Variants in FBLN1 observed in about 807,000 individuals in gnomAD.
FBLN1 encodes the protein fibulin-1.
In FBLN1, 34 loss-of-function variants were observed where a neutral mutation model predicts 89.7. The ratio of observed to expected loss-of-function variants is 0.38; its 90% confidence interval spans 0.29 to 0.50. The LOEUF (loss-of-function observed/expected upper bound fraction) is 0.50. Ranked by LOEUF, FBLN1 falls within the 20% of genes least tolerant of loss-of-function variation. The pLI is 0.92. For missense variants in FBLN1, 777 were observed against 988.1 expected (o/e 0.79, Z 2.86); for synonymous variants, 393 against 391.3 (o/e 1.00, Z -0.05).
chr22:45,533,824 T>C lies in FBLN1; in HGVS notation c.710T>C (p.Val237Ala). 1.9e-6 allele frequency: 3 copies of C among 1,613,972 alleles called. No homozygotes were observed. The highest frequency in any genetic ancestry group is 1.7e-6 in the Non-Finnish European group (2 of 1,180,008). The part of the protein sequence containing the change: ...CRLGESCINT[V>A]GSFRCQRDSS... ...CTTGGAGAATCCTGCATCAACACAG[T>C]GGGCTCTTTCCGCTGCCAGCGGGAC... Residue 237 changes from valine (V) to alanine (A), a missense_variant, in exon 7 of 17, where the codon GTG (valine) becomes GCG (alanine). By Grantham distance (64) the Val-to-Ala change is moderately conservative. Transcript: ENST00000327858.
In FBLN1 at chr22:45,574,532, C is replaced by G. The variant is rs764414836; in HGVS notation, c.1719C>G (p.Asp573Glu). Residue 573 changes from aspartate (D) to glutamate (E), a missense_variant, in exon 15 of 17, where the codon GAC becomes GAG. Physicochemically the swap from Asp to Glu is conservative, Grantham distance 45. Transcript: ENST00000327858. The surrounding 1 kb of genome is among the most constrained non-coding windows in gnomAD (Gnocchi z 4.1). ...TCAGGCTCCAGCAGGAGAAGACAGA[C>G]ACGGTCCGCTGCATCAAGTCCTGCC... ...SAATLQQEKT[D>E]TVRCIKSCRP... The G allele has an allele frequency of 1.9e-6, 3 of 1,614,172 alleles. No homozygotes were observed. The highest frequency in any genetic ancestry group is 4.5e-5 in the East Asian group (2 of 44,866).
intron 2 of FBLN1, among the ~76,000 whole-genome samples, chr22:45,522,264 G>A (rs902763878): frequency 1.3e-5 from 2 of 152,236 alleles, no homozygotes; most frequent in African/African-American, 4.8e-5. Flanking sequence ...GAGATTACAG[G>A]CATGAGCCAC....
At chr22:45,566,104 G>A (rs1349786710) in intron 14 of FBLN1, 2 of 152,512 alleles carry the variant, frequency 1.3e-5, no homozygotes, top group Non-Finnish European at 2.9e-5. Flanking sequence ...TAGCCAGCAA[G>A]CCACAGCAGG....
chr22:45,518,715 C>T lies in FBLN1; in HGVS notation c.113C>T (p.Ala38Val), dbSNP rs202203586. 112 of 1,611,166 alleles carry T rather than the reference C, an allele frequency of 7.0e-5. No homozygotes were observed. Among genetic ancestry groups the T allele is most frequent in the South Asian group, 3.5e-4 (32 of 90,186 alleles). ...DADVLLEACC[A>V]DGHRMATHQK... ...GATGTCCTCCTGGAGGCCTGCTGTG[C>T]GGACGGACACCGGATGGCCACTCAT... Residue 38 changes from alanine to valine, a missense_variant, in exon 2 of 17, where the codon GCG becomes GTG. Ala to Val is a moderately conservative substitution (Grantham distance 64, BLOSUM62 0). Transcript: ENST00000327858.
intron 14 of FBLN1, chr22:45,565,988 G>T (rs1484850617): frequency 1.9e-5 from 3 of 153,948 alleles, no homozygotes; most frequent in South Asian, 3.9e-4. Context: ...CTTGAGCCCA[G>T]GAGGCAGAGA....
Position 45,507,566 on chromosome 22 carries a change from C to A in FBLN1, c.79+4502C>A, listed in dbSNP as rs531424759. On this transcript the variant is annotated intron_variant, in intron 1 of 16. Transcript: ENST00000327858. Reference sequence around the variant, plus strand: ...TTTTTGAGACGGGGTCTCACTCTGCCGGCCAGGCTGGAGGGCAGTAGTGTG... The same window carrying A: ...TTTTTGAGACGGGGTCTCACTCTGCAGGCCAGGCTGGAGGGCAGTAGTGTG... Among the ~76,000 whole-genome samples, 218 of 152,250 alleles carry A rather than the reference C, an allele frequency of 1.4e-3. 1 individual carries two copies. Among genetic ancestry groups the A allele is most frequent in the South Asian group, 8.7e-3 (42 of 4,816 alleles).
intron 14 of FBLN1, among the ~76,000 whole-genome samples, chr22:45,570,154 T>C (rs563027238): frequency 6.6e-6 from 1 of 151,210 alleles, no homozygotes; most frequent in African/African-American, 2.4e-5. Context: ...ACCCCATCTC[T>C]ACTAAAAATA....
intron 14 of FBLN1, among the ~76,000 whole-genome samples, chr22:45,555,351 A>G (rs926736137): frequency 6.6e-6 from 1 of 151,058 alleles, no homozygotes; most frequent in African/African-American, 2.4e-5. Flanking sequence ...ATTAACTCAC[A>G]TGATCACAAG....
At position 45,537,779 on chromosome 22, in the gene FBLN1, C is replaced by G. The variant is rs954302799; in HGVS notation, c.922+2442C>G. On this transcript the variant is annotated intron_variant, in intron 8 of 16. Coordinates refer to ENST00000327858, the MANE Select transcript of FBLN1 (RefSeq NM_006486.3). This position sits in a 1 kb window ranked among gnomAD's most constrained non-coding sequence, Gnocchi z 5.7. The stretch of plus-strand genomic sequence containing the variant: ...GCTGTGGCTCAGCTGCCAGTTGGCC[C>G]CTCGCCAGTCCCTTGCCAGCAGGGA... 6.6e-6 allele frequency among the ~76,000 whole-genome samples: 1 copy of G among 152,204 alleles called. No homozygotes were observed. The highest frequency in any genetic ancestry group is 2.1e-4 in the South Asian group (1 of 4,830).
chr22:45,569,379 G>T (rs1372108552), intron 14 of FBLN1, among the ~76,000 whole-genome samples: 1 of 152,158 alleles, frequency 6.6e-6, no homozygotes, highest in Non-Finnish European at 1.5e-5. Flanking sequence ...GGTGGCTCAC[G>T]CCTGTAATCC....
Position 45,536,388 on chromosome 22 carries a change from T to A in FBLN1, c.922+1051T>A, listed in dbSNP as rs1327684102. Among the ~76,000 whole-genome samples, 1 of 152,154 alleles carries A rather than the reference T, an allele frequency of 6.6e-6. No homozygotes were observed. The highest frequency in any genetic ancestry group is 2.4e-5 in the African/African-American group (1 of 41,426). ...GACAGTGTGAATGCAGTAATGCCCCTGAACCGTCTACTTAAAATGGTTACG... is the reference window on the plus strand; with the variant it reads ...GACAGTGTGAATGCAGTAATGCCCCAGAACCGTCTACTTAAAATGGTTACG... On this transcript the variant is annotated intron_variant, in intron 8 of 16. Transcript: ENST00000327858. This position sits in a 1 kb window ranked among gnomAD's most constrained non-coding sequence, Gnocchi z 5.1.
At chr22:45,548,462 A>G in intron 12 of FBLN1, 151 bp from the exon 13 acceptor site, 1 of 1,009,410 alleles carries the variant, frequency 9.9e-7, no homozygotes, top group Non-Finnish European at 1.5e-6. Flanking sequence ...CGCCTCTCTG[A>G]GCACGATGGT....
Position 45,576,940 on chromosome 22 carries a change from G to T in FBLN1, c.1841-37G>T, listed in dbSNP as rs1386679178. 2.5e-6 allele frequency: 4 copies of T among 1,611,988 alleles called. No individual in the cohort carries two copies. In the South Asian group the frequency reaches 4.4e-5, roughly 18 times the overall value. ...AGGCTGGGACTGGGGCTGGGGCCAG[G>T]CTGTGCTGAGCCCTTCTCCATTCTG... On this transcript the variant is annotated intron_variant, in intron 15 of 16. Coordinates refer to ENST00000327858, the MANE Select transcript of FBLN1 (RefSeq NM_006486.3). This position sits in a 1 kb window ranked among gnomAD's most constrained non-coding sequence, Gnocchi z 5.2.
chr22:45,600,581 A>G lies in FBLN1; in HGVS notation c.*135A>G, dbSNP rs1435169871. The G allele has an allele frequency of 9.9e-7, 1 of 1,013,386 alleles. No individual in the cohort carries two copies. The highest frequency in any genetic ancestry group is 1.6e-6 in the Non-Finnish European group (1 of 639,840). 62.8% of individuals were successfully genotyped at this position (1,013,386 alleles called of 1,614,324 possible). On this transcript the variant is annotated 3_prime_UTR_variant, in exon 17 of 17. Transcript: ENST00000327858. ...TGTAGCATTAGGCCAACATGTATTA[A>G]GCTGAGCCAGATGAATAAGTCCATC...
In FBLN1 at chr22:45,557,091, A is replaced by T. The variant is rs971331405; in HGVS notation, c.1697+6476A>T. 6.6e-6 allele frequency among the ~76,000 whole-genome samples: 1 copy of T among 152,170 alleles called. No homozygotes were observed. ...CTTCAAAAGGCCATTCCACTATCCTATCAATCTACCTGCTTCACGACGATG... is the reference window on the plus strand; with the variant it reads ...CTTCAAAAGGCCATTCCACTATCCTTTCAATCTACCTGCTTCACGACGATG... On this transcript the variant is annotated intron_variant, in intron 14 of 16. Coordinates refer to ENST00000327858, the MANE Select transcript of FBLN1 (RefSeq NM_006486.3). This position sits in a 1 kb window ranked among gnomAD's most constrained non-coding sequence, Gnocchi z 4.9.
Position 45,548,696 on chromosome 22 carries a change from T to G in FBLN1, c.1525T>G (p.Cys509Gly). Residue 509 changes from cysteine (C) to glycine (G), a missense_variant, in exon 13 of 17, where the codon TGC (cysteine) becomes GGC (glycine). Coordinates refer to ENST00000327858, the MANE Select transcript of FBLN1 (RefSeq NM_006486.3). ...INIPGSFQCS[C>G]PSSGYRLAPN... ...CATCCCTGGAAGCTTCCAGTGCAGC[T>G]GCCCCTCGTCTGGCTACAGGCTGGC... 6.2e-7 allele frequency: 1 copy of G among 1,613,802 alleles called. No homozygotes were observed. Among genetic ancestry groups the G allele is most frequent in the Admixed American group, 1.7e-5 (1 of 60,026 alleles).
At chr22:45,510,115 C>T (rs1034579238) in intron 1 of FBLN1, among the ~76,000 whole-genome samples, 4 of 152,072 alleles carry the variant, frequency 2.6e-5, no homozygotes, top group African/African-American at 9.7e-5. Context: ...CTCATTTGCC[C>T]GATGAGGATA....
intron 8 of FBLN1, among the ~76,000 whole-genome samples, chr22:45,540,267 T>C (rs1244195180): frequency 6.6e-6 from 1 of 152,218 alleles, no homozygotes; most frequent in Non-Finnish European, 1.5e-5. Flanking sequence ...GTTTATAAAG[T>C]GCAGGCAGTA....
Position 45,527,739 on chromosome 22 carries a change from C to T in FBLN1, c.322-108C>T, listed in dbSNP as rs1351578502. 1.3e-5 allele frequency: 15 copies of T among 1,134,304 alleles called. No homozygotes were observed. The East Asian group carries it at 3.3e-4, about 25-fold the overall frequency. The allele number at this position is 1,134,304 out of a possible 1,614,324, so 70.3% of individuals were successfully genotyped here. On this transcript the variant is annotated intron_variant, in intron 3 of 16. Transcript: ENST00000327858. Reference sequence around the variant, plus strand: ...AAGCCAGACTTGAGTCATCACTCTACAGGTTGTGTGGACAGGGGGCTCAGA... The same window carrying T: ...AAGCCAGACTTGAGTCATCACTCTATAGGTTGTGTGGACAGGGGGCTCAGA...
Sources: allele counts gnomAD v4.1 joint callset (sites outside exome capture counted in the v4.1 genomes callset), GRCh38; gene constraint gnomAD v4.1.1; non-coding constraint Gnocchi (gnomAD v3.1); transcripts MANE v1.5; gene names NCBI Gene and HGNC (gene_info 2026-07-23, HGNC 2026-07-21).